The following ARCN1 variants were observed in gnomAD, a reference collection of about 807,000 sequenced individuals.
ARCN1 encodes archain 1 coat protein complex I subunit delta.
A neutral mutation model predicts 60.4 loss-of-function variants in ARCN1; 5 were observed. The ratio of observed to expected loss-of-function variants is 0.08; its 90% CI spans 0.04 to 0.17. The LOEUF (loss-of-function observed/expected upper bound fraction) is 0.17, where lower values mean the gene tolerates loss of function less well. ARCN1 is among the 10% of genes least tolerant of loss of function. The pLI is 1.00. For synonymous variants in ARCN1, 224 were observed against 220.0 expected (o/e 1.02, Z -0.16); for missense variants, 464 against 626.5 (o/e 0.74, Z 2.77).
intron 5 of ARCN1, 27 bp downstream of exon 5, chr11:118,584,671 C>A (rs782101245): frequency 6.4e-7 from 1 of 1,567,898 alleles, no homozygotes; most frequent in South Asian, 1.2e-5. Context: ...AGTAAGAATT[C>A]AAGCTTTGAA....
At chr11:118,582,731 A>G (rs1352316674) in intron 2 of ARCN1, among the ~76,000 whole-genome samples, 3 of 148,266 alleles carry the variant, frequency 2.0e-5, no homozygotes, top group Non-Finnish European at 4.5e-5. Flanking sequence ...GTCTTAAAAA[A>G]AAAAAAAAAA....
Position 118,602,101 on chromosome 11 carries a change from A to C in ARCN1, c.*1387A>C. ...TCCTGTTGGCCCTAAACTATCAAGG[A>C]GGCTCCATTTCACCATTTGATTTTT... is the stretch of plus-strand genomic sequence containing the variant. On this transcript the variant is annotated 3_prime_UTR_variant, in exon 10 of 10. Transcript: ENST00000264028. The C allele has an allele frequency of 4.6e-6, 1 of 216,046 alleles. No individual in the cohort carries two copies. Among genetic ancestry groups the C allele is most frequent in the Non-Finnish European group, 9.3e-6 (1 of 107,626 alleles). 13.4% of individuals were successfully genotyped at this position (216,046 alleles called of 1,614,324 possible). A position where few individuals can be genotyped will look rare whatever the true frequency, so the allele number is the denominator to read the frequency against.
intron 8 of ARCN1, among the ~76,000 whole-genome samples, chr11:118,596,681 A>T (rs1427416049): frequency 6.6e-6 from 1 of 152,156 alleles, no homozygotes; most frequent in Admixed American, 6.5e-5. Context: ...AATGTGTAGG[A>T]GTAGGTGACA....
chr11:118,590,183 C>T (rs573036183), intron 5 of ARCN1, among the ~76,000 whole-genome samples, 158 bp from the exon 6 acceptor site: 1 of 151,926 alleles, frequency 6.6e-6, no homozygotes, highest in East Asian at 1.9e-4. Flanking sequence ...TTAGTAGAGA[C>T]GGGGTTTCTC....
Position 118,597,079 on chromosome 11 carries a change from C to T in ARCN1, c.1242-628C>T, listed in dbSNP as rs371603419. ...AAAATTAGCTGGGCGTGGCGGCACA[C>T]GCCTGTAGTCCCAGCAACTTGGGAG... On this transcript the variant is annotated intron_variant, in intron 8 of 9. Transcript: ENST00000264028. Among the ~76,000 whole-genome samples the T allele has an allele frequency of 9.1e-4, 139 of 152,294 alleles. 4 individuals are homozygous for T. The East Asian group carries it at 0.012, about 13-fold the overall frequency.
rs914889349 is a variant in ARCN1, at chr11:118,601,785, C to G, written c.*1071C>G. 1.4e-6 allele frequency: 1 copy of G among 700,554 alleles called. No individual in the cohort carries two copies. The highest frequency in any genetic ancestry group is 2.7e-5 in the East Asian group (1 of 37,226). The allele number at this position is 700,554 out of a possible 1,614,324, so 43.4% of individuals were successfully genotyped here. ...TTAAAGATAGCTGAGAAGCACCTTTCAAATGGCACAGTCCCTCTTCAAGAT... is the reference window on the plus strand; with the variant it reads ...TTAAAGATAGCTGAGAAGCACCTTTGAAATGGCACAGTCCCTCTTCAAGAT... On this transcript the variant is annotated 3_prime_UTR_variant, in exon 10 of 10. Coordinates refer to ENST00000264028, the MANE Select transcript of ARCN1 (RefSeq NM_001655.5).
intron 6 of ARCN1, 110 bp downstream of exon 6, chr11:118,590,616 T>G: frequency 9.1e-6 from 10 of 1,097,480 alleles, no homozygotes; most frequent in Middle Eastern, 2.1e-4. Flanking sequence ...GTTATATAAC[T>G]AGCATCACTC....
At chr11:118,573,229 G>A (rs11216906) in intron 1 of ARCN1, among the ~76,000 whole-genome samples, 25,193 of 152,068 alleles carry the variant, frequency 0.17, 2,663 homozygotes, top group East Asian at 0.53. Flanking sequence ...AATGTGAGCA[G>A]GTTCCAGAGA....
chr11:118,582,273 G>C (rs530694643), intron 2 of ARCN1, among the ~76,000 whole-genome samples: 1 of 152,258 alleles, frequency 6.6e-6, no homozygotes, highest in African/African-American at 2.4e-5. Flanking sequence ...CTCCCGAGTA[G>C]TTGAGATTAC....
chr11:118,584,579 C>T lies in ARCN1; in HGVS notation c.753C>T (p.Ser251=), dbSNP rs782593676. The part of the protein sequence containing the change: ...KLKSEGETIM[S]SSMGKRTSEA... ...AATCTGAAGGTGAAACCATCATGTC[C>T]TCTAGTATGGGCAAGCGTACTTCTG... The change falls in exon 5 of 10, where the codon TCC becomes TCT. Residue 251 remains serine, a synonymous_variant. Transcript: ENST00000264028. 4.3e-6 allele frequency: 7 copies of T among 1,613,798 alleles called. No individual in the cohort carries two copies. The East Asian group carries it at 1.3e-4, about 31-fold the overall frequency.
intron 1 of ARCN1, 138 bp downstream of exon 1, chr11:118,572,688 C>A: frequency 1.8e-6 from 2 of 1,091,482 alleles, no homozygotes; most frequent in Non-Finnish European, 2.7e-6. Context: ...GCTCGGGGAG[C>A]AGTGTGGCCT....
chr11:118,582,596 G>T (rs1314508834), intron 2 of ARCN1, among the ~76,000 whole-genome samples: 1 of 150,580 alleles, frequency 6.6e-6, no homozygotes, highest in African/African-American at 2.4e-5. Context: ...GCATGGTGGC[G>T]GGCACCCATA....
intron 2 of ARCN1, among the ~76,000 whole-genome samples, chr11:118,582,902 G>A (rs550326593): frequency 2.6e-5 from 4 of 151,706 alleles, no homozygotes; most frequent in South Asian, 2.1e-4. Context: ...TTAGCTGGGC[G>A]TGGTGGTACA....
chr11:118,573,938 C>T (rs1938420246), intron 1 of ARCN1, among the ~76,000 whole-genome samples: 1 of 152,098 alleles, frequency 6.6e-6, no homozygotes, highest in African/African-American at 2.4e-5. Context: ...ATTAATAATG[C>T]ATTTTAGAGC....
chr11:118,592,984 G>A, intron 7 of ARCN1, 128 bp downstream of exon 7: 1 of 919,050 alleles, frequency 1.1e-6, no homozygotes, highest in South Asian at 2.1e-5. Flanking sequence ...CTTTTGAAAT[G>A]GACCTGGTGC....
At chr11:118,581,640 G>A in intron 2 of ARCN1, 131 bp downstream of exon 2, 1 of 837,878 alleles carries the variant, frequency 1.2e-6, no homozygotes, top group Non-Finnish European at 1.8e-6. Flanking sequence ...ACTTATTGCT[G>A]CAGCACCTTG....
At chr11:118,581,929 G>GACACACACACACACAC (rs1179195532) in intron 2 of ARCN1, among the ~76,000 whole-genome samples, 1,951 of 132,276 alleles carry the variant, frequency 0.015, 40 homozygotes, top group East Asian at 0.064. Flanking sequence ...GAGACAGACA[G>GACACACACACACACAC]ACAGACAGAC....
chr11:118,573,325 G>A (rs1555072814), intron 1 of ARCN1, among the ~76,000 whole-genome samples: 2 of 152,170 alleles, frequency 1.3e-5, no homozygotes, highest in African/African-American at 4.8e-5. Flanking sequence ...CTCACAGGAG[G>A]TGGAGTAAGA....
intron 1 of ARCN1, among the ~76,000 whole-genome samples, chr11:118,574,113 C>A (rs966348632): frequency 6.6e-6 from 1 of 152,056 alleles, no homozygotes; most frequent in Non-Finnish European, 1.5e-5. Flanking sequence ...TAAAATATAA[C>A]TTTTGCATGC....
Sources: allele counts gnomAD v4.1 joint callset (sites outside exome capture counted in the v4.1 genomes callset), GRCh38; gene constraint gnomAD v4.1.1; transcripts MANE v1.5; gene names NCBI Gene and HGNC (gene_info 2026-07-23, HGNC 2026-07-21).